Variants in MTUS2 observed in about 807,000 individuals in gnomAD.
MTUS2 encodes the protein microtubule-associated tumor suppressor candidate 2.
MTUS2 carries 40 observed loss-of-function variants against 114.1 expected under a neutral mutation model. That is an observed-to-expected ratio of 0.35 (90% CI 0.27 to 0.46). The LOEUF (loss-of-function observed/expected upper bound fraction) is 0.46, where lower values mean the gene tolerates loss of function less well. MTUS2 is among the 20% of genes least tolerant of loss of function. MTUS2 has a pLI of 1.00. For missense variants in MTUS2, 1,679 were observed against 1,705.4 expected, an observed-to-expected ratio of 0.98 and a Z score of 0.27; for synonymous variants, 688 against 672.0, an observed-to-expected ratio of 1.02 and a Z score of -0.37.
intron 5 of MTUS2, among the ~76,000 whole-genome samples, chr13:29,271,109 T>G (rs1232861224): frequency 6.6e-6 from 1 of 152,206 alleles, no homozygotes; most frequent in Non-Finnish European, 1.5e-5. Flanking sequence ...GTCTATGCCT[T>G]TAAAAATAGG....
chr13:29,064,390 G>GT lies in MTUS2; in HGVS notation c.2446+30289dup, dbSNP rs59916653. On this transcript the variant is annotated intron_variant, in intron 4 of 15. Transcript: ENST00000612955. Reference sequence around the variant, plus strand: ...TTTCAGCGCCAGTCTACGTTTGGAGGTTTTTTTTTTTTTTTTTTTTTTTTG... The same window carrying GT: ...TTTCAGCGCCAGTCTACGTTTGGAGGTTTTTTTTTTTTTTTTTTTTTTTTTG... Among the ~76,000 whole-genome samples, 194 of 107,952 alleles carry GT rather than the reference G, an allele frequency of 1.8e-3. 1 individual carries two copies. The highest frequency in any genetic ancestry group is 6.4e-3 in the African/African-American group (178 of 27,662). The allele number at this position is 107,952 out of a possible 152,430, so 70.8% of individuals were successfully genotyped here.
chr13:29,228,261 A>G (rs1896189228), intron 5 of MTUS2, among the ~76,000 whole-genome samples: 1 of 152,214 alleles, frequency 6.6e-6, no homozygotes, highest in Non-Finnish European at 1.5e-5. Flanking sequence ...TGAATTGGAA[A>G]TCTGCCAGAT....
chr13:29,408,234 TA>T (rs200133346), intron 8 of MTUS2, among the ~76,000 whole-genome samples: 2,262 of 151,522 alleles, frequency 0.015, 34 homozygotes, highest in Middle Eastern at 0.024. Flanking sequence ...GTGTCTTGAT[TA>T]AAAAAAAACC....
intron 2 of MTUS2, among the ~76,000 whole-genome samples, chr13:28,985,450 TG>T (rs753652892): frequency 2.6e-5 from 4 of 152,200 alleles, no homozygotes; most frequent in Non-Finnish European, 5.9e-5. Context: ...TTATAATAAC[TG>T]GGGATGTTAA....
chr13:29,220,995 T>G (rs1330911122), intron 5 of MTUS2, among the ~76,000 whole-genome samples: 1 of 152,228 alleles, frequency 6.6e-6, no homozygotes, highest in Non-Finnish European at 1.5e-5. Context: ...GTTATTCTAC[T>G]TTAGACTATT....
chr13:28,916,119 T>G (rs541929684), intron 2 of MTUS2, among the ~76,000 whole-genome samples: 2 of 152,108 alleles, frequency 1.3e-5, no homozygotes, highest in East Asian at 3.9e-4. Context: ...GGTGTTTGGG[T>G]TGTTTCTGGG....
chr13:29,428,497 T>C (rs367636413), intron 8 of MTUS2: 10 of 307,330 alleles, frequency 3.3e-5, no homozygotes, highest in East Asian at 3.2e-4. Flanking sequence ...GGAGCCGGCA[T>C]TGGTAAATGC....
At chr13:29,403,416 G>T (rs1230449675) in intron 8 of MTUS2, among the ~76,000 whole-genome samples, 2 of 152,166 alleles carry the variant, frequency 1.3e-5, no homozygotes, top group Non-Finnish European at 2.9e-5. Flanking sequence ...ACTCTGTGAT[G>T]GCAAATTTTG....
chr13:29,479,263 G>A (rs1880962400), intron 9 of MTUS2, among the ~76,000 whole-genome samples: 1 of 151,988 alleles, frequency 6.6e-6, no homozygotes, highest in South Asian at 2.1e-4. Flanking sequence ...GCATTTGGGT[G>A]TGTGTGGAAT....
intron 2 of MTUS2, among the ~76,000 whole-genome samples, chr13:28,968,630 A>C (rs1206260319): frequency 6.6e-6 from 1 of 152,170 alleles, no homozygotes; most frequent in East Asian, 1.9e-4. Flanking sequence ...TTCAATCTTC[A>C]TTAAATAAAA....
intron 9 of MTUS2, among the ~76,000 whole-genome samples, chr13:29,444,875 C>T (rs1878162509): frequency 1.3e-5 from 2 of 152,234 alleles, no homozygotes; most frequent in Admixed American, 1.3e-4. Context: ...AGGATATCCC[C>T]TTCCTTCACT....
rs1345755558 is a variant in MTUS2 at position 29,298,979 on chromosome 13, G to T, written c.2806+17114G>T. ...GCTGAGTCTAGATTGCTGTCACACT[G>T]TCAACTTATTTGTCATTGTGAAGCC... is the stretch of plus-strand genomic sequence containing the variant. On this transcript the variant is annotated intron_variant, in intron 6 of 15. Transcript: ENST00000612955. Among the ~76,000 whole-genome samples the T allele has an allele frequency of 2.0e-5, 3 of 152,148 alleles. No homozygotes were observed. In the East Asian group the frequency reaches 5.8e-4, roughly 29 times the overall value.
chr13:28,907,426 C>T (rs1880104379), intron 2 of MTUS2, among the ~76,000 whole-genome samples: 1 of 151,492 alleles, frequency 6.6e-6, no homozygotes, highest in East Asian at 1.9e-4. Context: ...TGTAAATGGA[C>T]TAAATGCTCC....
Position 29,196,612 on chromosome 13 carries a change from A to G in MTUS2, c.2645-85092A>G, listed in dbSNP as rs367600436. Reference sequence around the variant, plus strand: ...TGAAACCTTTTACACATGAAACACTAACCTTTCATTGCCTCCTCCTCCACT... The same window carrying G: ...TGAAACCTTTTACACATGAAACACTGACCTTTCATTGCCTCCTCCTCCACT... On this transcript the variant is annotated intron_variant, in intron 5 of 15. Coordinates refer to ENST00000612955, the MANE Select transcript of MTUS2 (RefSeq NM_001033602.4). 3.4e-4 allele frequency among the ~76,000 whole-genome samples: 52 copies of G among 152,202 alleles called. No homozygotes were observed. The South Asian group carries it at 9.8e-3, about 29-fold the overall frequency.
At chr13:29,449,354 C>A (rs1878521978) in intron 9 of MTUS2, among the ~76,000 whole-genome samples, 1 of 152,168 alleles carries the variant, frequency 6.6e-6, no homozygotes, top group Admixed American at 6.5e-5. Context: ...CACACACATA[C>A]AGTGGAAGGT....
At chr13:29,502,917 C>T (rs573966935) in intron 15 of MTUS2, 76 bp from the exon 16 acceptor site, 2 of 1,459,324 alleles carry the variant, frequency 1.4e-6, no homozygotes, top group African/African-American at 2.8e-5. Flanking sequence ...CTCCCTTTGC[C>T]CTGCACCATT....
At chr13:29,238,698 A>T in intron 5 of MTUS2, among the ~76,000 whole-genome samples, 1 of 152,128 alleles carries the variant, frequency 6.6e-6, no homozygotes, top group East Asian at 1.9e-4. Context: ...CTCCTAGTCC[A>T]CTGATTCAAA....
At chr13:29,034,521 C>A (rs1374987607) in intron 4 of MTUS2, among the ~76,000 whole-genome samples, 1 of 152,060 alleles carries the variant, frequency 6.6e-6, no homozygotes, top group African/African-American at 2.4e-5. Flanking sequence ...GAAGGTAGAG[C>A]CAAAGAAGTT....
intron 5 of MTUS2, among the ~76,000 whole-genome samples, chr13:29,179,287 A>G (rs183959551): frequency 6.6e-6 from 1 of 152,370 alleles, no homozygotes; most frequent in Admixed American, 6.5e-5. Flanking sequence ...TGCGTTAACC[A>G]TATGCAGAGG....
Sources: gnomAD v4.1 joint callset for allele counts (sites outside exome capture counted in the v4.1 genomes callset) on GRCh38, gnomAD v4.1.1 for gene constraint, MANE v1.5 for transcripts, NCBI Gene and HGNC (gene_info 2026-07-23, HGNC 2026-07-21) for gene names.